The following JAK3 variants were observed in gnomAD, a reference collection of about 807,000 sequenced individuals.
JAK3 encodes Janus kinase 3.
JAK3 carries 88 observed loss-of-function variants against 120.8 expected under a neutral mutation model. That is an observed-to-expected ratio of 0.73 (90% CI 0.61 to 0.87). The LOEUF is 0.87. JAK3 is among the 40% of genes least tolerant of loss of function. The probability of loss-of-function intolerance (pLI) is 0.00; values close to 1 mark genes in which losing one functional copy is unlikely to be tolerated. For missense variants in JAK3, 1,254 were observed against 1,501.4 expected (o/e 0.84, Z 2.72); for synonymous variants, 592 against 628.6 (o/e 0.94, Z 0.87).
chr19:17,834,242 G>A (rs891154086), intron 17 of JAK3, among the ~76,000 whole-genome samples: 5 of 152,076 alleles, frequency 3.3e-5, no homozygotes, highest in Non-Finnish European at 5.9e-5. Flanking sequence ...AGCTACTCAG[G>A]AGGCTGAGGC....
At chr19:17,847,295 G>C (rs531666840) in intron 1 of JAK3, among the ~76,000 whole-genome samples, 1 of 152,064 alleles carries the variant, frequency 6.6e-6, no homozygotes, top group African/African-American at 2.4e-5. Flanking sequence ...GAGGCCAGGG[G>C]TTAGAGACCT....
intron 1 of JAK3, among the ~76,000 whole-genome samples, chr19:17,846,028 G>A (rs1209172152): frequency 6.6e-6 from 1 of 152,048 alleles, no homozygotes; most frequent in African/African-American, 2.4e-5. Flanking sequence ...ATGTTGGCGA[G>A]GCTGGTCTGG....
intron 1 of JAK3, among the ~76,000 whole-genome samples, chr19:17,847,268 A>G (rs1396855938): frequency 6.6e-6 from 1 of 152,156 alleles, no homozygotes; most frequent in East Asian, 1.9e-4. Context: ...CAGGGGGCTG[A>G]GGCAGCAGGA....
Position 17,831,123 on chromosome 19 carries a change from G to C in JAK3, c.2978+105C>G. ...CCAAAGCTGCAGCGGAGGAAGGGCG[G>C]GGCTAAGGCTGGGGAGCAAAGCAGC... is the stretch of plus-strand genomic sequence containing the variant. On this transcript the variant is annotated intron_variant, in intron 21 of 23. Transcript: ENST00000458235. The surrounding 1 kb of genome is among the most constrained non-coding windows in gnomAD (Gnocchi z 5.1). 3.2e-6 allele frequency: 4 copies of C among 1,259,290 alleles called. No individual in the cohort carries two copies. The highest frequency in any genetic ancestry group is 4.4e-6 in the Non-Finnish European group (4 of 904,994). 78.0% of individuals were successfully genotyped at this position (1,259,290 alleles called of 1,614,324 possible).
rs201132330 is a variant in JAK3, at chr19:17,839,529, G to C, written c.1389C>G (p.His463Gln). ...TGAGGGTCACTGCCACCCCATCTAC[G>C]TGCAGCCCCCCATCCCAGCAGGTTG... is the stretch of plus-strand genomic sequence containing the variant. ...LLATCWDGGL[H>Q]VDGVAVTLTS... Residue 463 changes from histidine to glutamine, a missense_variant, in exon 10 of 24, where the codon CAC becomes CAG. Transcript: ENST00000458235. The C allele has an allele frequency of 2.5e-6, 4 of 1,601,514 alleles. No homozygotes were observed. The East Asian group carries it at 9.0e-5, about 36-fold the overall frequency.
rs2094216574 is a variant in JAK3 at position 17,832,712 on chromosome 19, G to A, written c.2491-4C>T. ...GCTCCACGCTGCCAAAGTTGCCCTG[G>A]GGGATAGCGGGACTGATGTCCAGGC... On this transcript the variant is annotated splice_polypyrimidine_tract_variant and splice_region_variant and intron_variant, in intron 18 of 23. Coordinates refer to ENST00000458235, the MANE Select transcript of JAK3 (RefSeq NM_000215.4). This position sits in a 1 kb window ranked among gnomAD's most constrained non-coding sequence, Gnocchi z 4.7. 6.2e-7 allele frequency: 1 copy of A among 1,614,098 alleles called. No homozygotes were observed. Among genetic ancestry groups the A allele is most frequent in the African/African-American group, 1.3e-5 (1 of 74,934 alleles).
chr19:17,842,503 G>A lies in JAK3; in HGVS notation c.674C>T (p.Ala225Val), dbSNP rs2147697726. The change falls in exon 6 of 24, where the codon GCC (alanine) becomes GTC (valine). Residue 225 changes from alanine (A) to valine (V), a missense_variant. Transcript: ENST00000458235. The surrounding 1 kb of genome is among the most constrained non-coding windows in gnomAD (Gnocchi z 6.4). ...CGAGTGCCGGTCTGCCTGGCAGGCG[G>A]CCACGCGGCGCAGGGCTCTGCGCAC... ...RTVRRALRRV[A>V]ACQADRHSLM... The A allele has an allele frequency of 6.3e-7, 1 of 1,595,882 alleles. No individual in the cohort carries two copies. The highest frequency in any genetic ancestry group is 8.5e-7 in the Non-Finnish European group (1 of 1,171,990).
rs1355439187 is a variant in JAK3, at chr19:17,841,724, G to A, written c.900C>T (p.Asp300=). 1.9e-6 allele frequency: 3 copies of A among 1,612,156 alleles called. No individual in the cohort carries two copies. The highest frequency in any genetic ancestry group is 2.2e-5 in the South Asian group (2 of 91,084). The change falls in exon 7 of 24, where the codon GAC becomes GAT. Residue 300 remains aspartate (D), a synonymous_variant. Transcript: ENST00000458235. The surrounding 1 kb of genome is among the most constrained non-coding windows in gnomAD (Gnocchi z 4.1). ...CGCGCGGGGCCTGCTTGATGCTAATGTCTACGATTTCTGGAAAGTCGCAGA... is the reference window on the plus strand; with the variant it reads ...CGCGCGGGGCCTGCTTGATGCTAATATCTACGATTTCTGGAAAGTCGCAGA... ...QPFCDFPEIV[D]ISIKQAPRVG...
Position 17,842,951 on chromosome 19 carries a change from G to T in JAK3, c.566+76C>A. 1 of 1,579,320 alleles carries T rather than the reference G, an allele frequency of 6.3e-7. No homozygotes were observed. Among genetic ancestry groups the T allele is most frequent in the Non-Finnish European group, 8.6e-7 (1 of 1,160,638 alleles). ...CTTGCAGGAGAACTCCATGGTGGGA[G>T]CCCGGCAAAGCCCCGATGGAGCCCA... is the stretch of plus-strand genomic sequence containing the variant. On this transcript the variant is annotated intron_variant, in intron 5 of 23. Transcript: ENST00000458235. The surrounding 1 kb of genome is among the most constrained non-coding windows in gnomAD (Gnocchi z 6.4).
At chr19:17,840,645 C>T (rs1384289838) in intron 8 of JAK3, among the ~76,000 whole-genome samples, 3 of 151,718 alleles carry the variant, frequency 2.0e-5, no homozygotes, top group Non-Finnish European at 4.4e-5. Flanking sequence ...CACCTGTAGT[C>T]CCAGCTACTC....
At chr19:17,837,102 T>TG (rs2094225953) in intron 13 of JAK3, 27 bp downstream of exon 13, 5 of 559,232 alleles carry the variant, frequency 8.9e-6, no homozygotes, top group Non-Finnish European at 1.0e-5. Flanking sequence ...GAGGCAGGGG[T>TG]GGGGTGGGTG....
intron 1 of JAK3, 100 bp downstream of exon 1, chr19:17,847,846 C>A: frequency 2.0e-6 from 1 of 492,350 alleles, no homozygotes; most frequent in Non-Finnish European, 2.7e-6. Context: ...GGCGAGCTAG[C>A]CTTTGCCCTG....
At chr19:17,840,380 G>C in intron 8 of JAK3, 39 bp from the exon 9 acceptor site, 3 of 1,368,718 alleles carry the variant, frequency 2.2e-6, no homozygotes, top group Non-Finnish European at 3.1e-6. Context: ...AGGAGTCAGA[G>C]ATAGAAGAAG....
chr19:17,837,215 TG>T lies in JAK3; in HGVS notation c.1702-3del. 1 of 1,561,846 alleles carries T rather than the reference TG, an allele frequency of 6.4e-7. No individual in the cohort carries two copies. Among genetic ancestry groups the T allele is most frequent in the East Asian group, 2.4e-5 (1 of 42,156 alleles). On this transcript the variant is annotated splice_region_variant and splice_polypyrimidine_tract_variant and intron_variant, in intron 12 of 23. Coordinates refer to ENST00000458235, the MANE Select transcript of JAK3 (RefSeq NM_000215.4). ...CAAGCTCGCTGCTTCCAGGAATGAC[TG>T]GGGAAGGTGGGAAGGGAGAGAAGAT...
chr19:17,836,701 C>T (rs1352258926), intron 13 of JAK3: 4 of 427,574 alleles, frequency 9.4e-6, no homozygotes, highest in African/African-American at 4.0e-5. Flanking sequence ...ACAAGCATTG[C>T]CCAACCCCCA....
chr19:17,840,536 G>A (rs905074686), intron 8 of JAK3, among the ~76,000 whole-genome samples, 195 bp from the exon 9 acceptor site: 22 of 151,174 alleles, frequency 1.5e-4, no homozygotes, highest in Middle Eastern at 6.9e-3. Flanking sequence ...GGCCGAGGCA[G>A]GTGGATCACG....
chr19:17,840,828 T>C (rs1001058164), intron 8 of JAK3, among the ~76,000 whole-genome samples: 4 of 151,860 alleles, frequency 2.6e-5, no homozygotes, highest in East Asian at 1.9e-4. Flanking sequence ...TGTTTGTTTG[T>C]TTGTTTGTTT....
Position 17,832,658 on chromosome 19 carries a change from A to T in JAK3, c.2541T>A (p.Asn847Lys). The change falls in exon 19 of 24, where the codon AAT becomes AAA. Residue 847 changes from asparagine to lysine, a missense_variant. Physicochemically the swap from Asn to Lys is moderately conservative, Grantham distance 94. Around this residue, in one of 3 missense-constraint regions of JAK3, gnomAD observed 630 missense variants for 819.8 expected, o/e 0.77. Coordinates refer to ENST00000458235, the MANE Select transcript of JAK3 (RefSeq NM_000215.4). This position sits in a 1 kb window ranked among gnomAD's most constrained non-coding sequence, Gnocchi z 4.7. ...GTTTCACGGCCACCAGGGCACCTGT[A>T]TTGTCGCCTAGCGGGTCATAGCGGC... ...ELCRYDPLGD[N>K]TGALVAVKQL... The T allele has an allele frequency of 6.2e-7, 1 of 1,614,180 alleles. No homozygotes were observed. Among genetic ancestry groups the T allele is most frequent in the Non-Finnish European group, 8.5e-7 (1 of 1,180,026 alleles).
At position 17,831,720 on chromosome 19, in the gene JAK3, C is replaced by T. The variant is rs761651756; in HGVS notation, c.2759G>A (p.Arg920His). Residue 920 changes from arginine to histidine, a missense_variant, in exon 20 of 24, where the codon CGC (arginine) becomes CAC (histidine). Physicochemically the swap from Arg to His is conservative, Grantham distance 29 (BLOSUM62 0). Around this residue, in one of 3 missense-constraint regions of JAK3, gnomAD observed 630 missense variants for 819.8 expected, o/e 0.77. Coordinates refer to ENST00000458235, the MANE Select transcript of JAK3 (RefSeq NM_000215.4). The surrounding 1 kb of genome is among the most constrained non-coding windows in gnomAD (Gnocchi z 5.1). ...GAGAAGGAGGCGGCTGGCATCGAGG[C>T]GCGCGCGGTGCCGCTGCAGGAAGTC... ...LRDFLQRHRA[R>H]LDASRLLLYS... 4 of 1,611,502 alleles carry T rather than the reference C, an allele frequency of 2.5e-6. No homozygotes were observed. Among genetic ancestry groups the T allele is most frequent in the East Asian group, 2.2e-5 (1 of 44,820 alleles).
Sources: allele counts gnomAD v4.1 joint callset (sites outside exome capture counted in the v4.1 genomes callset), GRCh38; gene constraint gnomAD v4.1.1; regional missense constraint gnomAD v4.1.1; non-coding constraint Gnocchi (gnomAD v3.1); transcripts MANE v1.5; gene names NCBI Gene and HGNC (gene_info 2026-07-23, HGNC 2026-07-21).